Variants in MACROD2 observed in about 807,000 individuals in gnomAD.
The protein encoded by MACROD2 is ADP-ribose glycohydrolase MACROD2.
A neutral mutation model predicts 70.4 loss-of-function variants in MACROD2; 36 were observed. That is an observed-to-expected ratio of 0.51 (90% CI 0.39 to 0.68). The LOEUF (loss-of-function observed/expected upper bound fraction) is 0.68. Among genes scored for constraint, MACROD2 ranks in the 30% least tolerant of loss-of-function variants. The pLI, the probability that MACROD2 is intolerant of heterozygous loss-of-function variation, is 0.00. For missense variants in MACROD2, 496 were observed against 538.4 expected (o/e 0.92, Z 0.78); for synonymous variants, 172 against 178.8 (o/e 0.96, Z 0.30).
intron 2 of MACROD2, among the ~76,000 whole-genome samples, chr20:14,053,861 C>T (rs751310049): frequency 1.3e-5 from 2 of 151,712 alleles, no homozygotes; most frequent in Non-Finnish European, 2.9e-5. Flanking sequence ...GTGCATATGT[C>T]AAAATAAAAA....
chr20:14,546,562 T>A (rs1469586650), intron 4 of MACROD2, among the ~76,000 whole-genome samples: 1 of 152,120 alleles, frequency 6.6e-6, no homozygotes, highest in African/African-American at 2.4e-5. Flanking sequence ...CTATCCACAT[T>A]TTCCACTTTT....
chr20:15,211,035 T>C lies in MACROD2; in HGVS notation c.419-18905T>C, dbSNP rs186198283. Among the ~76,000 whole-genome samples the C allele has an allele frequency of 9.5e-4, 144 of 152,332 alleles. 1 individual carries two copies. The highest frequency in any genetic ancestry group is 3.4e-3 in the Middle Eastern group (1 of 294). On this transcript the variant is annotated intron_variant, in intron 5 of 17. Coordinates refer to ENST00000684519, the MANE Select transcript of MACROD2 (RefSeq NM_001351661.2). Reference sequence around the variant, plus strand: ...AGAGTTGTACAACTGTCAACACCACTATCTAATTCCAGAATATTTTTGTTG... The same window carrying C: ...AGAGTTGTACAACTGTCAACACCACCATCTAATTCCAGAATATTTTTGTTG...
chr20:14,142,169 G>A (rs911706138), intron 3 of MACROD2, among the ~76,000 whole-genome samples: 1 of 151,952 alleles, frequency 6.6e-6, no homozygotes, highest in Non-Finnish European at 1.5e-5. Context: ...TCCTAATAGT[G>A]CAAGTTTATT....
At chr20:15,806,723 G>A (rs577609720) in intron 8 of MACROD2, among the ~76,000 whole-genome samples, 3 of 152,152 alleles carry the variant, frequency 2.0e-5, no homozygotes, top group South Asian at 4.2e-4. Flanking sequence ...GGAGGAATGG[G>A]CATTCAGCCT....
At chr20:14,861,049 G>T (rs6042955) in intron 5 of MACROD2, among the ~76,000 whole-genome samples, 2,417 of 152,114 alleles carry the variant, frequency 0.016, 63 homozygotes, top group African/African-American at 0.054. Context: ...ATATAACAAA[G>T]GAGCCTAACA....
At chr20:16,001,631 T>C (rs2147505348) in intron 15 of MACROD2, among the ~76,000 whole-genome samples, 1 of 152,166 alleles carries the variant, frequency 6.6e-6, no homozygotes, top group South Asian at 2.1e-4. Flanking sequence ...TGCAGAGAAA[T>C]GGGGAAAAAG....
At chr20:14,227,987 TA>T (rs1244231137) in intron 3 of MACROD2, among the ~76,000 whole-genome samples, 1 of 152,144 alleles carries the variant, frequency 6.6e-6, no homozygotes, top group African/African-American at 2.4e-5. Flanking sequence ...ATTTTAGGTT[TA>T]CAGTACAATT....
At chr20:15,679,020 T>C (rs573377197) in intron 8 of MACROD2, among the ~76,000 whole-genome samples, 1 of 152,218 alleles carries the variant, frequency 6.6e-6, no homozygotes, top group East Asian at 1.9e-4. Context: ...GCAGATCACC[T>C]GAGGTCAGGA....
intron 3 of MACROD2, among the ~76,000 whole-genome samples, chr20:14,471,720 A>T (rs1485256799): frequency 6.6e-6 from 1 of 152,154 alleles, no homozygotes; most frequent in Admixed American, 6.5e-5. Context: ...CTAAGGTTCT[A>T]AGGTTAGAAG....
rs374220388 is a variant in MACROD2 at position 15,000,539 on chromosome 20, C to T, written c.419-229401C>T. 6.5e-4 allele frequency among the ~76,000 whole-genome samples: 85 copies of T among 131,270 alleles called. 3 individuals are homozygous for T. The Middle Eastern group carries it at 0.011, about 18-fold the overall frequency. The allele number at this position is 131,270 out of a possible 152,430, so 86.1% of individuals were successfully genotyped here. On this transcript the variant is annotated intron_variant, in intron 5 of 17. Coordinates refer to ENST00000684519, the MANE Select transcript of MACROD2 (RefSeq NM_001351661.2). ...TGGGGAGGCTGAGGCAGGAGAATGG[C>T]GTGAACCCGGGAAGCGGAGCTTGCA...
rs145128207 is a variant in MACROD2 at position 15,671,390 on chromosome 20, A to G, written c.645+171543A>G. Among the ~76,000 whole-genome samples, 18 of 152,300 alleles carry G rather than the reference A, an allele frequency of 1.2e-4. No homozygotes were observed. The East Asian group carries it at 3.5e-3, about 29-fold the overall frequency. On this transcript the variant is annotated intron_variant, in intron 8 of 17. Transcript: ENST00000684519. Reference sequence around the variant, plus strand: ...TGTTGGTGGAAAGATCTCTGACACCACATGGCAAAGATAAGAATGTAAGGG... The same window carrying G: ...TGTTGGTGGAAAGATCTCTGACACCGCATGGCAAAGATAAGAATGTAAGGG...
intron 3 of MACROD2, among the ~76,000 whole-genome samples, chr20:14,193,174 T>G (rs1205963931): frequency 6.6e-6 from 1 of 152,186 alleles, no homozygotes; most frequent in African/African-American, 2.4e-5. Context: ...CATCTTAAAG[T>G]GTGTACCCAT....
chr20:14,437,746 G>A (rs1312674795), intron 3 of MACROD2, among the ~76,000 whole-genome samples: 1 of 151,990 alleles, frequency 6.6e-6, no homozygotes, highest in Non-Finnish European at 1.5e-5. Context: ...AATGAATTTT[G>A]CTTTTATATT....
At chr20:14,265,877 C>T (rs554899739) in intron 3 of MACROD2, among the ~76,000 whole-genome samples, 21 of 151,404 alleles carry the variant, frequency 1.4e-4, no homozygotes, top group South Asian at 8.4e-4. Context: ...TCCGGGTTCA[C>T]GCCATTCTCC....
At chr20:14,698,359 C>T (rs535461869) in intron 5 of MACROD2, among the ~76,000 whole-genome samples, 4 of 152,108 alleles carry the variant, frequency 2.6e-5, no homozygotes, top group African/African-American at 4.8e-5. Flanking sequence ...GTTTTGCTAT[C>T]GGGAAATAGG....
intron 5 of MACROD2, among the ~76,000 whole-genome samples, chr20:14,898,595 T>G (rs935898084): frequency 2.0e-5 from 3 of 152,012 alleles, no homozygotes; most frequent in African/African-American, 7.2e-5. Flanking sequence ...ATTAAAAAAT[T>G]TCAAAAAAAT....
chr20:15,523,532 G>C (rs2047680101), intron 8 of MACROD2, among the ~76,000 whole-genome samples: 1 of 152,056 alleles, frequency 6.6e-6, no homozygotes, highest in South Asian at 2.1e-4. Context: ...GCACCAGTAG[G>C]GAAAGAAGCT....
At chr20:15,458,686 T>A (rs546650482) in intron 7 of MACROD2, among the ~76,000 whole-genome samples, 1 of 151,732 alleles carries the variant, frequency 6.6e-6, no homozygotes, top group East Asian at 1.9e-4. Flanking sequence ...GTCCACTCAG[T>A]ACTACCTGAG....
At chr20:14,580,759 C>T (rs1293392511) in intron 4 of MACROD2, among the ~76,000 whole-genome samples, 2 of 152,194 alleles carry the variant, frequency 1.3e-5, no homozygotes, top group Admixed American at 1.3e-4. Context: ...CAAGTTTGTG[C>T]CAAACACTTC....
Sources: gnomAD v4.1 joint callset for allele counts (sites outside exome capture counted in the v4.1 genomes callset) on GRCh38, gnomAD v4.1.1 for gene constraint, MANE v1.5 for transcripts, NCBI Gene and HGNC (gene_info 2026-07-23, HGNC 2026-07-21) for gene names.